The following SNX2 variants were observed in gnomAD, a reference collection of about 807,000 sequenced individuals.
SNX2 encodes sorting nexin 2, also known as sorting nexin-2.
A neutral mutation model predicts 69.9 loss-of-function variants in SNX2; 25 were observed. The ratio of observed to expected loss-of-function variants is 0.36; its 90% CI spans 0.26 to 0.50. SNX2 has a LOEUF of 0.50. Ranked by LOEUF, SNX2 falls within the 20% of genes least tolerant of loss-of-function variation. The pLI is 0.97. For synonymous variants in SNX2, 229 were observed against 200.4 expected (o/e 1.14, Z -1.20); for missense variants, 551 against 613.3 (o/e 0.90, Z 1.07).
At chr5:122,802,417 T>C (rs972971919) in intron 5 of SNX2, among the ~76,000 whole-genome samples, 1 of 152,148 alleles carries the variant, frequency 6.6e-6, no homozygotes, top group Non-Finnish European at 1.5e-5. Flanking sequence ...GTGAGGAATT[T>C]GCTTGTGCAA....
chr5:122,806,142 G>GCGCACGCACACACACACACACA, intron 6 of SNX2, among the ~76,000 whole-genome samples: 208 of 130,640 alleles, frequency 1.6e-3, no homozygotes, highest in Middle Eastern at 0.012. Context: ...ACACGCGCGC[G>GCGCACGCACACACACACACACA]CACACACACA....
In SNX2 at chr5:122,804,744, C is replaced by G. The variant is rs1753595537; in HGVS notation, c.643+1131C>G. Among the ~76,000 whole-genome samples the G allele has an allele frequency of 5.3e-5, 8 of 152,122 alleles. No individual in the cohort carries two copies. In the South Asian group the frequency reaches 1.4e-3, roughly 28 times the overall value. ...CAAAAGAGGAGGAAACCTCCATAGGCCTACCATTAAAAGACATCTGTCATC... is the reference window on the plus strand; with the variant it reads ...CAAAAGAGGAGGAAACCTCCATAGGGCTACCATTAAAAGACATCTGTCATC... On this transcript the variant is annotated intron_variant, in intron 6 of 14. Transcript: ENST00000379516.
intron 5 of SNX2, among the ~76,000 whole-genome samples, 153 bp downstream of exon 5, chr5:122,802,277 G>T (rs554282940): frequency 4.7e-4 from 71 of 152,276 alleles, no homozygotes; most frequent in Middle Eastern, 6.8e-3. Flanking sequence ...GTTGTGAGTG[G>T]TTTGATATGT....
intron 6 of SNX2, among the ~76,000 whole-genome samples, chr5:122,806,022 C>A (rs1314006684): frequency 6.6e-6 from 1 of 151,780 alleles, no homozygotes; most frequent in African/African-American, 2.4e-5. Context: ...GCTCATGATT[C>A]GCCCGTCTCA....
intron 12 of SNX2, 144 bp downstream of exon 12, chr5:122,826,337 A>G: frequency 1.5e-6 from 1 of 671,210 alleles, no homozygotes; most frequent in Non-Finnish European, 2.3e-6. Context: ...TTACTTTAAC[A>G]TTTTGATCAT....
rs760493667 is a variant in SNX2, at chr5:122,827,602, G to A, written c.1465G>A (p.Val489Ile). Residue 489 changes from valine (V) to isoleucine (I), a missense_variant, in exon 14 of 15, where the codon GTT becomes ATT. Val to Ile is a conservative substitution (Grantham distance 29). This residue lies in a region of SNX2 where 360 missense variants were observed against 450.4 expected (regional missense o/e 0.80). Coordinates refer to ENST00000379516, the MANE Select transcript of SNX2 (RefSeq NM_003100.4). ...EKERVKDFKT[V>I]IIKYLESLVQ... The stretch of plus-strand genomic sequence containing the variant: ...AGAACGAGTGAAGGATTTTAAAACC[G>A]TTATCATCAAGTACTTAGAATCACT... 13 of 1,613,092 alleles carry A rather than the reference G, an allele frequency of 8.1e-6. No individual in the cohort carries two copies. The highest frequency in any genetic ancestry group is 5.3e-5 in the African/African-American group (4 of 74,876).
chr5:122,778,758 T>C (rs1484076997), intron 1 of SNX2, among the ~76,000 whole-genome samples: 1 of 152,242 alleles, frequency 6.6e-6, no homozygotes, highest in Non-Finnish European at 1.5e-5. Flanking sequence ...TGATTAGTGA[T>C]GTTGAGAATT....
intron 1 of SNX2, among the ~76,000 whole-genome samples, chr5:122,791,048 G>GT (rs1354990376): frequency 4.7e-5 from 7 of 150,096 alleles, no homozygotes; most frequent in Non-Finnish European, 7.4e-5. Context: ...CTTACTGAAA[G>GT]TTTTTTATCA....
At chr5:122,807,580 ACCTTGTTT>A (rs1379452656) in intron 6 of SNX2, among the ~76,000 whole-genome samples, 2 of 152,222 alleles carry the variant, frequency 1.3e-5, no homozygotes, top group Non-Finnish European at 2.9e-5. Flanking sequence ...ATATATCAAT[ACCTTGTTT>A]CCACAGAATA....
rs1752991467 is a variant in SNX2, at chr5:122,782,115, T to C, written c.108+6904T>C. The stretch of plus-strand genomic sequence containing the variant: ...TTTAGCCATTCTAAGAGGTGTTTAG[T>C]GTTACCTCATCCCTTTAATATATAT... On this transcript the variant is annotated intron_variant, in intron 1 of 14. Coordinates refer to ENST00000379516, the MANE Select transcript of SNX2 (RefSeq NM_003100.4). Among the ~76,000 whole-genome samples the C allele has an allele frequency of 2.0e-5, 3 of 152,366 alleles. No homozygotes were observed. The South Asian group carries it at 6.2e-4, about 32-fold the overall frequency.
At chr5:122,807,810 A>G (rs907982030) in intron 6 of SNX2, among the ~76,000 whole-genome samples, 1 of 152,200 alleles carries the variant, frequency 6.6e-6, no homozygotes, top group Non-Finnish European at 1.5e-5. Flanking sequence ...GGGAAAACAT[A>G]ACAAATTCAT....
At chr5:122,808,389 T>G in intron 7 of SNX2, 34 bp downstream of exon 7, 4 of 1,379,162 alleles carry the variant, frequency 2.9e-6, no homozygotes, top group Non-Finnish European at 4.1e-6. Flanking sequence ...ATTACTCTCA[T>G]GTTTGTACCT....
At chr5:122,778,108 A>C (rs1366409682) in intron 1 of SNX2, among the ~76,000 whole-genome samples, 1 of 152,226 alleles carries the variant, frequency 6.6e-6, no homozygotes, top group Admixed American at 6.5e-5. Flanking sequence ...TTTACTTAAC[A>C]TAATGTCCTC....
rs556280893 is a variant in SNX2, at chr5:122,830,434, A to G, written c.*786A>G. Reference sequence around the variant, plus strand: ...TTATATACTTTTACAAGTCCCATGGATTTTGTTCATCTTCTCGTTATCTTC... The same window carrying G: ...TTATATACTTTTACAAGTCCCATGGGTTTTGTTCATCTTCTCGTTATCTTC... On this transcript the variant is annotated 3_prime_UTR_variant, in exon 15 of 15. Coordinates refer to ENST00000379516, the MANE Select transcript of SNX2 (RefSeq NM_003100.4). Among the ~76,000 whole-genome samples the G allele has an allele frequency of 6.6e-6, 1 of 152,164 alleles. No homozygotes were observed. Among genetic ancestry groups the G allele is most frequent in the Non-Finnish European group, 1.5e-5 (1 of 68,020 alleles).
At chr5:122,786,669 A>G (rs1262021193) in intron 1 of SNX2, among the ~76,000 whole-genome samples, 3 of 150,468 alleles carry the variant, frequency 2.0e-5, no homozygotes, top group East Asian at 2.0e-4. Flanking sequence ...CACCATCCTC[A>G]GGAAAAGTTA....
intron 1 of SNX2, among the ~76,000 whole-genome samples, chr5:122,786,237 T>G (rs1295719968): frequency 6.6e-6 from 1 of 152,164 alleles, no homozygotes; most frequent in Non-Finnish European, 1.5e-5. Flanking sequence ...TTTAACTAAT[T>G]TGTCTTTCAA....
At chr5:122,826,330 CT>C (rs1754149606) in intron 12 of SNX2, 137 bp downstream of exon 12, 1 of 693,124 alleles carries the variant, frequency 1.4e-6, no homozygotes, top group African/African-American at 1.8e-5. Flanking sequence ...GTTAGAATTA[CT>C]TTAACATTTT....
chr5:122,792,510 T>C (rs1201732276), intron 1 of SNX2, among the ~76,000 whole-genome samples: 1 of 151,256 alleles, frequency 6.6e-6, no homozygotes, highest in Admixed American at 6.6e-5. Flanking sequence ...GGCAGGAGAA[T>C]CGCTTGAACC....
rs1446108575 is a variant in SNX2, at chr5:122,830,513, C to A, written c.*865C>A. 6.6e-6 allele frequency among the ~76,000 whole-genome samples: 1 copy of A among 151,684 alleles called. No individual in the cohort carries two copies. Among genetic ancestry groups the A allele is most frequent in the Non-Finnish European group, 1.5e-5 (1 of 67,912 alleles). On this transcript the variant is annotated 3_prime_UTR_variant, in exon 15 of 15. Coordinates refer to ENST00000379516, the MANE Select transcript of SNX2 (RefSeq NM_003100.4). ...TTATTCTTGTCTTTTGGTTTTTTTT[C>A]TTTTAAACTAAAAGTATATCATCTG... is the stretch of plus-strand genomic sequence containing the variant.
Sources: gnomAD v4.1 joint callset for allele counts (sites outside exome capture counted in the v4.1 genomes callset) on GRCh38, gnomAD v4.1.1 for gene constraint, gnomAD v4.1.1 regional missense constraint, MANE v1.5 for transcripts, NCBI Gene and HGNC (gene_info 2026-07-23, HGNC 2026-07-21) for gene names.